Variants in ENTPD1 observed in about 807,000 individuals in gnomAD.
ENTPD1 encodes ATP diphosphohydrolase.
ENTPD1 carries 33 observed loss-of-function variants against 57.0 expected under a neutral mutation model. The ratio of observed to expected loss-of-function variants is 0.58; its 90% confidence interval spans 0.44 to 0.77. The LOEUF (loss-of-function observed/expected upper bound fraction) is 0.77, where lower values mean the gene tolerates loss of function less well. ENTPD1 is among the 30% of genes least tolerant of loss of function. The probability of loss-of-function intolerance (pLI) is 0.00; values close to 1 mark genes in which losing one functional copy is unlikely to be tolerated. For synonymous variants in ENTPD1, 202 were observed against 218.8 expected (o/e 0.92, Z 0.68); for missense variants, 501 against 603.4 (o/e 0.83, Z 1.78).
intron 1 of ENTPD1, among the ~76,000 whole-genome samples, chr10:95,811,532 C>T (rs930810029): frequency 6.6e-6 from 1 of 151,664 alleles, no homozygotes; most frequent in African/African-American, 2.4e-5. Context: ...GGACCACAAG[C>T]ACACGCCACC....
At chr10:95,757,089 CCTT>C (rs1244454574) in intron 1 of ENTPD1, among the ~76,000 whole-genome samples, 1 of 152,168 alleles carries the variant, frequency 6.6e-6, no homozygotes, top group East Asian at 1.9e-4. Flanking sequence ...TTGTAAACCT[CCTT>C]CTCCTCCTTC....
chr10:95,856,214 T>C (rs1266187408), intron 7 of ENTPD1, among the ~76,000 whole-genome samples: 2 of 152,180 alleles, frequency 1.3e-5, no homozygotes, highest in Admixed American at 1.3e-4. Flanking sequence ...AAAGAAGATA[T>C]ACAAATGGCC....
In ENTPD1 at chr10:95,847,628, C is replaced by T. The variant is rs1001938811; in HGVS notation, c.996C>T (p.Leu332=). The part of the protein sequence containing the change: ...YQQCHQSILE[L]FNTSYCPYSQ... Reference sequence around the variant, plus strand: ...AATGCCATCAAAGCATCCTGGAGCTCTTCAACACCAGTTACTGCCCTTACT... The same window carrying T: ...AATGCCATCAAAGCATCCTGGAGCTTTTCAACACCAGTTACTGCCCTTACT... The change falls in exon 7 of 10, where the codon CTC becomes CTT. Residue 332 remains leucine (L), a synonymous_variant. Coordinates refer to ENST00000371205, the MANE Select transcript of ENTPD1 (RefSeq NM_001776.6). The T allele has an allele frequency of 2.5e-6, 4 of 1,614,074 alleles. No homozygotes were observed. The highest frequency in any genetic ancestry group is 1.3e-5 in the African/African-American group (1 of 74,928).
upstream of ENTPD1, chr10:95,755,009 C>T (rs1276480658): frequency 6.6e-6 from 1 of 152,144 alleles, no homozygotes; most frequent in East Asian, 1.9e-4. Flanking sequence ...GTATAACTGG[C>T]TTTAGATACA....
At chr10:95,770,358 A>G (rs931027448) in intron 1 of ENTPD1, among the ~76,000 whole-genome samples, 7 of 151,920 alleles carry the variant, frequency 4.6e-5, no homozygotes, top group Middle Eastern at 3.4e-3. Context: ...AAGTGTTTCA[A>G]CTGGGTCTAA....
chr10:95,788,507 C>G (rs117777532), intron 1 of ENTPD1, among the ~76,000 whole-genome samples: 5 of 151,748 alleles, frequency 3.3e-5, no homozygotes, highest in Non-Finnish European at 5.9e-5. Context: ...ATCCCAGATA[C>G]GTTGGAGGCT....
At chr10:95,777,344 A>G (rs1033340470) in intron 1 of ENTPD1, among the ~76,000 whole-genome samples, 13 of 152,052 alleles carry the variant, frequency 8.5e-5, no homozygotes, top group African/African-American at 2.4e-4. Context: ...GTTGATGTTG[A>G]TGCTATTCCT....
chr10:95,770,559 G>A (rs1435149136), intron 1 of ENTPD1, among the ~76,000 whole-genome samples: 1 of 152,148 alleles, frequency 6.6e-6, no homozygotes, highest in African/African-American at 2.4e-5. Flanking sequence ...GACATTTTCT[G>A]TGAAAGAAAA....
chr10:95,839,534 G>A (rs547110243), intron 2 of ENTPD1, 157 bp from the exon 3 acceptor site: 27 of 765,516 alleles, frequency 3.5e-5, no homozygotes, highest in South Asian at 1.0e-4. Flanking sequence ...TGTCCTGGTA[G>A]ATCTTGTGAT....
the ENTPD1 span, among the ~76,000 whole-genome samples, chr10:95,704,763 A>G: frequency 9.9e-5 from 15 of 152,176 alleles, no homozygotes; most frequent in African/African-American, 3.6e-4. Flanking sequence ...AATAAAGAAA[A>G]AGATTGTTTA....
intron 1 of ENTPD1, among the ~76,000 whole-genome samples, chr10:95,712,827 G>T (rs1306075014): frequency 6.6e-6 from 1 of 152,150 alleles, no homozygotes; most frequent in Non-Finnish European, 1.5e-5. Flanking sequence ...GAGGTCAGGA[G>T]ATCGAGACCA....
chr10:95,827,467 A>AG (rs1227602731), intron 2 of ENTPD1, among the ~76,000 whole-genome samples: 1 of 151,006 alleles, frequency 6.6e-6, no homozygotes, highest in Non-Finnish European at 1.5e-5. Context: ...AAAAAAAAAA[A>AG]TTTCGTTTTT....
chr10:95,805,533 A>G (rs185603738), intron 1 of ENTPD1, among the ~76,000 whole-genome samples: 79 of 152,292 alleles, frequency 5.2e-4, no homozygotes, highest in Non-Finnish European at 8.7e-4. Context: ...TCCTGTCATT[A>G]TGATGTTAGC....
the ENTPD1 span, among the ~76,000 whole-genome samples, chr10:95,702,057 A>G: frequency 6.6e-5 from 10 of 152,044 alleles, no homozygotes; most frequent in Admixed American, 3.9e-4. Context: ...CATAAAGATA[A>G]TAGAGGAAAT....
Position 95,869,278 on chromosome 10 carries a change from C to G in ENTPD1, c.*2895C>G. The G allele has an allele frequency of 1.1e-6, 1 of 935,644 alleles. No individual in the cohort carries two copies. The highest frequency in any genetic ancestry group is 1.2e-6 in the Non-Finnish European group (1 of 807,142). The allele number at this position is 935,644 out of a possible 1,614,324, so 58.0% of individuals were successfully genotyped here. A position where few individuals can be genotyped will look rare whatever the true frequency, so the allele number is the denominator to read the frequency against. ...TTTTTTTTTTTTTTTGAGAGAGAGT[C>G]TCACTCCATTGCCCAGGCTGGAGTG... On this transcript the variant is annotated 3_prime_UTR_variant, in exon 10 of 10. Coordinates refer to ENST00000371205, the MANE Select transcript of ENTPD1 (RefSeq NM_001776.6).
In ENTPD1 at chr10:95,869,777, C is replaced by T; in HGVS notation, c.*3394C>T. On this transcript the variant is annotated 3_prime_UTR_variant, in exon 10 of 10. Transcript: ENST00000371205. ...AAACTGGGTAACACAGGAGAGTTTT[C>T]AGAAAGCAACTAAATCCAAAATACT... 1.3e-6 allele frequency: 1 copy of T among 781,528 alleles called. No individual in the cohort carries two copies. The highest frequency in any genetic ancestry group is 1.6e-6 in the Non-Finnish European group (1 of 644,308). 48.4% of individuals were successfully genotyped at this position (781,528 alleles called of 1,614,324 possible).
At chr10:95,753,079 T>C (rs1268614519), upstream of ENTPD1, 1 of 152,174 alleles carries the variant, frequency 6.6e-6, no homozygotes, top group Non-Finnish European at 1.5e-5. Context: ...TATAAGACCA[T>C]TTCATCATTA....
intron 2 of ENTPD1, among the ~76,000 whole-genome samples, chr10:95,839,014 TAC>T (rs1367923066): frequency 2.0e-5 from 3 of 152,226 alleles, no homozygotes; most frequent in Non-Finnish European, 2.9e-5. Flanking sequence ...AATACAATTT[TAC>T]AGTTATATTC....
In ENTPD1 at chr10:95,869,607, G is replaced by C. The variant is rs2098478282; in HGVS notation, c.*3224G>C. ...TGCTACTTAATCAGGCTTTCTGTGT[G>C]ACAAGAAAGAGAAAGAAAATAAAGA... is the stretch of plus-strand genomic sequence containing the variant. On this transcript the variant is annotated 3_prime_UTR_variant, in exon 10 of 10. Transcript: ENST00000371205. 2 of 985,028 alleles carry C rather than the reference G, an allele frequency of 2.0e-6. No homozygotes were observed. The highest frequency in any genetic ancestry group is 9.4e-5 in the South Asian group (2 of 21,262). The allele number at this position is 985,028 out of a possible 1,614,324, so 61.0% of individuals were successfully genotyped here. A position where few individuals can be genotyped will look rare whatever the true frequency, so the allele number is the denominator to read the frequency against.
Sources: gnomAD v4.1 joint callset for allele counts (sites outside exome capture counted in the v4.1 genomes callset) on GRCh38, gnomAD v4.1.1 for gene constraint, MANE v1.5 for transcripts, NCBI Gene and HGNC (gene_info 2026-07-23, HGNC 2026-07-21) for gene names.